Variants in TMEM230 observed in about 807,000 individuals in gnomAD.
TMEM230 encodes transmembrane protein 230, also known as UPF0414 transmembrane protein C20orf30.
TMEM230 carries 10 observed loss-of-function variants against 15.8 expected under a neutral mutation model. The observed-to-expected ratio is 0.63, with a 90% confidence interval of 0.39 to 1.07. TMEM230 has a LOEUF of 1.07. Ranked by LOEUF, TMEM230 falls within the 50% of genes least tolerant of loss-of-function variation. The probability of loss-of-function intolerance (pLI) is 0.01; values close to 1 mark genes in which losing one functional copy is unlikely to be tolerated. For synonymous variants in TMEM230, 67 were observed against 76.9 expected (o/e 0.87, Z 0.68); for missense variants, 165 against 193.3 (o/e 0.85, Z 0.87).
chr20:5,067,354 G>C (rs1175308580), downstream of TMEM230: 1 of 146,240 alleles, frequency 6.8e-6, no homozygotes, highest in Non-Finnish European at 1.5e-5. Context: ...CAGGTGTCCT[G>C]GAACTGCCCA....
At chr20:5,082,363 C>A (rs1020984500) in intron 3 of TMEM230, among the ~76,000 whole-genome samples, 25 of 152,122 alleles carry the variant, frequency 1.6e-4, no homozygotes, top group Admixed American at 1.1e-3. Context: ...GCCTCAGCCT[C>A]CCAAGTAGCT....
chr20:5,069,389 C>T (rs2088752853), intron 3 of TMEM230: 3 of 1,509,008 alleles, frequency 2.0e-6, no homozygotes, highest in South Asian at 1.3e-5. Flanking sequence ...ACCACAAGTT[C>T]TGCCTCTTCA....
At chr20:5,066,661 ACT>A (rs1260434479), downstream of TMEM230, among the ~76,000 whole-genome samples, 1 of 138,136 alleles carries the variant, frequency 7.2e-6, no homozygotes, top group Non-Finnish European at 1.5e-5. Flanking sequence ...AGCGAGAGAG[ACT>A]CTGTCTCAAA....
chr20:5,063,093 A>G, the TMEM230 span, among the ~76,000 whole-genome samples: 862 of 151,964 alleles, frequency 5.7e-3, 5 homozygotes, highest in African/African-American at 0.02. Flanking sequence ...CGGCTGTCCT[A>G]CTGTGAATGT....
chr20:5,103,212 A>G (rs545519147), intron 4 of TMEM230, among the ~76,000 whole-genome samples: 1 of 152,336 alleles, frequency 6.6e-6, no homozygotes, highest in East Asian at 1.9e-4. Flanking sequence ...CTGTAATTCC[A>G]GCACTTTGGG....
In TMEM230 at chr20:5,069,488, G is replaced by C. The variant is rs945269037; in HGVS notation, c.223-139C>G. 1.8e-5 allele frequency: 15 copies of C among 828,988 alleles called. No homozygotes were observed. In the African/African-American group the frequency reaches 2.6e-4, roughly 14 times the overall value. 51.4% of individuals were successfully genotyped at this position (828,988 alleles called of 1,614,324 possible). The stretch of plus-strand genomic sequence containing the variant: ...TCCTGAAGGCCTGTGTGAGGCAGGA[G>C]CTCAAGATCTACTTGTTCACTGCAT... On this transcript the variant is annotated intron_variant, in intron 3 of 3. Coordinates refer to the TMEM230 transcript ENST00000612323.
downstream of TMEM230, among the ~76,000 whole-genome samples, chr20:5,099,144 C>T (rs774900183): frequency 4.0e-5 from 6 of 151,672 alleles, no homozygotes; most frequent in Non-Finnish European, 7.4e-5. Context: ...TGAGAAATGA[C>T]TGTGCCACTG....
chr20:5,087,923 C>T (rs900120584), intron 3 of TMEM230, among the ~76,000 whole-genome samples: 5 of 148,472 alleles, frequency 3.4e-5, no homozygotes, highest in Non-Finnish European at 7.4e-5. Context: ...AAACTCCTGG[C>T]CTCAAGTGAT....
At chr20:5,066,552 G>T (rs1444037375), downstream of TMEM230, among the ~76,000 whole-genome samples, 2 of 151,632 alleles carry the variant, frequency 1.3e-5, no homozygotes, top group African/African-American at 4.8e-5. Context: ...TATGCCTGTA[G>T]TCCCAGCTAC....
At chr20:5,090,060 A>G (rs1233605158) in intron 3 of TMEM230, among the ~76,000 whole-genome samples, 3 of 152,162 alleles carry the variant, frequency 2.0e-5, no homozygotes, top group Non-Finnish European at 4.4e-5. Flanking sequence ...AAAGAAAAAA[A>G]CTGAGGAAAT....
In TMEM230 at chr20:5,100,857, G is replaced by C. The variant is rs770949228; in HGVS notation, c.486C>G (p.Ile162Met). 1 of 1,614,074 alleles carries C rather than the reference G, an allele frequency of 6.2e-7. No homozygotes were observed. The highest frequency in any genetic ancestry group is 1.7e-5 in the Admixed American group (1 of 59,996). ...GGTAGCCTTTGGATGCATAGTAAGC[G>C]ATGCGCAGGTGGTAAAATCCGGGTA... Residue 162 changes from isoleucine to methionine, a missense_variant, in exon 5 of 5, where the codon ATC becomes ATG. Physicochemically the swap from Ile to Met is conservative, Grantham distance 10 (BLOSUM62 1). Transcript: ENST00000342308.
At chr20:5,067,977 GCTGGTCTCAAATTC>G (rs1363969120), downstream of TMEM230, 1 of 152,086 alleles carries the variant, frequency 6.6e-6, no homozygotes, top group Non-Finnish European at 1.5e-5. Context: ...CGTTATCCAG[GCTGGTCTCAAATTC>G]CTGGGCTCAA....
At chr20:5,070,788 A>G (rs1316026805) in intron 3 of TMEM230, among the ~76,000 whole-genome samples, 1 of 152,156 alleles carries the variant, frequency 6.6e-6, no homozygotes, top group Non-Finnish European at 1.5e-5. Flanking sequence ...TTTGCTTTTG[A>G]GACAAGATCT....
At chr20:5,103,451 G>A (rs889289091) in intron 4 of TMEM230, among the ~76,000 whole-genome samples, 26 of 151,942 alleles carry the variant, frequency 1.7e-4, no homozygotes, top group Admixed American at 9.2e-4. Context: ...CTTGAGTCTA[G>A]GAGTTCGAGA....
At chr20:5,086,571 A>G (rs1198236069) in intron 3 of TMEM230, among the ~76,000 whole-genome samples, 1 of 151,548 alleles carries the variant, frequency 6.6e-6, no homozygotes, top group Non-Finnish European at 1.5e-5. Flanking sequence ...AGAAAAAGAA[A>G]AAAAAGTATC....
At chr20:5,088,702 T>G (rs745538199) in intron 3 of TMEM230, among the ~76,000 whole-genome samples, 45 of 152,066 alleles carry the variant, frequency 3.0e-4, no homozygotes, top group Non-Finnish European at 4.9e-4. Context: ...TTTTTGTAGA[T>G]GGGGTCTCAC....
chr20:5,096,601 C>G (rs929701714), downstream of TMEM230, among the ~76,000 whole-genome samples: 1 of 152,182 alleles, frequency 6.6e-6, no homozygotes, highest in African/African-American at 2.4e-5. Context: ...CCTGTGCCAG[C>G]TGGTACAGGT....
chr20:5,097,755 C>A (rs533521221), downstream of TMEM230, among the ~76,000 whole-genome samples: 22 of 152,142 alleles, frequency 1.4e-4, no homozygotes, highest in Admixed American at 5.9e-4. Flanking sequence ...CCTGCCTCAG[C>A]CTCCTGAGTA....
downstream of TMEM230, among the ~76,000 whole-genome samples, chr20:5,066,696 C>T (rs1384063476): frequency 6.6e-6 from 1 of 150,538 alleles, no homozygotes; most frequent in Non-Finnish European, 1.5e-5. Context: ...AAAATCAAAA[C>T]CCCAAACATA....
Sources: gnomAD v4.1 joint callset for allele counts (sites outside exome capture counted in the v4.1 genomes callset) on GRCh38, gnomAD v4.1.1 for gene constraint, MANE v1.5 for transcripts, NCBI Gene and HGNC (gene_info 2026-07-23, HGNC 2026-07-21) for gene names.